Variants in DSCAM observed in about 807,000 individuals in gnomAD.
DSCAM encodes the protein cell adhesion molecule DSCAM.
In DSCAM, 47 loss-of-function variants were observed where a neutral mutation model predicts 217.7. The ratio of observed to expected loss-of-function variants is 0.22; its 90% confidence interval spans 0.17 to 0.28. The LOEUF is 0.28. Among genes scored for constraint, DSCAM ranks in the 10% least tolerant of loss-of-function variants. The pLI, the probability that DSCAM is intolerant of heterozygous loss-of-function variation, is 1.00. For missense variants in DSCAM, 2,080 were observed against 2,618.3 expected, an observed-to-expected ratio of 0.79 and a Z score of 4.49; for synonymous variants, 1,056 against 1,015.3, an observed-to-expected ratio of 1.04 and a Z score of -0.76.
At chr21:40,364,690 GTATA>G (rs71186930) in intron 4 of DSCAM, among the ~76,000 whole-genome samples, 48 of 144,006 alleles carry the variant, frequency 3.3e-4, no homozygotes, top group African/African-American at 4.7e-4. Flanking sequence ...AAAAAAAAGT[GTATA>G]TATATATATA....
chr21:40,676,254 T>TA (rs113253105), intron 3 of DSCAM, among the ~76,000 whole-genome samples: 2,721 of 152,188 alleles, frequency 0.018, 72 homozygotes, highest in African/African-American at 0.062. Context: ...TCAAAGCCAG[T>TA]AAAAAAAGCA....
chr21:40,818,140 T>C (rs928902582), intron 1 of DSCAM, among the ~76,000 whole-genome samples: 13 of 131,002 alleles, frequency 9.9e-5, no homozygotes, highest in African/African-American at 3.5e-4. Flanking sequence ...AAGCTCCCGG[T>C]GATGAAAGCT....
At chr21:40,557,818 T>C (rs1417858677) in intron 3 of DSCAM, among the ~76,000 whole-genome samples, 4 of 152,312 alleles carry the variant, frequency 2.6e-5, no homozygotes, top group South Asian at 2.1e-4. Flanking sequence ...TATTATGTTA[T>C]AGCAACACAA....
intron 3 of DSCAM, among the ~76,000 whole-genome samples, chr21:40,611,076 T>G (rs938374214): frequency 1.9e-4 from 28 of 149,480 alleles, no homozygotes; most frequent in African/African-American, 6.2e-4. Flanking sequence ...TTTTTTTTTT[T>G]GGGATGGAGA....
chr21:40,382,282 G>A (rs567031243), intron 3 of DSCAM, among the ~76,000 whole-genome samples: 37 of 152,074 alleles, frequency 2.4e-4, no homozygotes, highest in Non-Finnish European at 3.5e-4. Flanking sequence ...CCTAGCAGCC[G>A]CCTTGGTCCT....
At chr21:40,842,269 T>C (rs1053249216) in intron 1 of DSCAM, among the ~76,000 whole-genome samples, 5 of 152,212 alleles carry the variant, frequency 3.3e-5, no homozygotes, top group Non-Finnish European at 4.4e-5. Flanking sequence ...ACGCGCTTGT[T>C]TGTGTGGGCA....
intron 3 of DSCAM, among the ~76,000 whole-genome samples, chr21:40,498,625 A>G (rs1383505805): frequency 2.2e-5 from 2 of 92,948 alleles, no homozygotes; most frequent in South Asian, 7.7e-4. Context: ...GTATATATGC[A>G]CTATGTATAT....
intron 14 of DSCAM, 128 bp downstream of exon 14, chr21:40,187,003 G>C: frequency 8.7e-7 from 1 of 1,151,486 alleles, no homozygotes; most frequent in Non-Finnish European, 1.2e-6. Context: ...CAAGGAGACT[G>C]GGGGAAGTGG....
intron 1 of DSCAM, among the ~76,000 whole-genome samples, chr21:40,709,037 T>A (rs1184989080): frequency 1.3e-5 from 2 of 152,234 alleles, no homozygotes; most frequent in African/African-American, 4.8e-5. Context: ...TTTTGCCTCA[T>A]GCCCCAAACC....
rs149505907 is a variant in DSCAM at position 40,398,877 on chromosome 21, C to T, written c.509-29632G>A. Among the ~76,000 whole-genome samples, 695 of 152,154 alleles carry T rather than the reference C, an allele frequency of 4.6e-3. 12 individuals are homozygous for T. The highest frequency in any genetic ancestry group is 0.016 in the African/African-American group (662 of 41,488). On this transcript the variant is annotated intron_variant, in intron 3 of 32. Transcript: ENST00000400454. Reference sequence around the variant, plus strand: ...TGCTGGGATTACAGGTGTCAGCCACCGCACCCAGCCTAGGAGTTTCTTTCT... The same window carrying T: ...TGCTGGGATTACAGGTGTCAGCCACTGCACCCAGCCTAGGAGTTTCTTTCT...
intron 3 of DSCAM, among the ~76,000 whole-genome samples, chr21:40,531,684 G>T (rs1235428868): frequency 6.6e-6 from 1 of 152,230 alleles, no homozygotes; most frequent in Non-Finnish European, 1.5e-5. Flanking sequence ...ATTCCTGAGT[G>T]GTTGCATCAC....
At chr21:40,471,106 C>G (rs566989301) in intron 3 of DSCAM, among the ~76,000 whole-genome samples, 1 of 152,234 alleles carries the variant, frequency 6.6e-6, no homozygotes, top group Non-Finnish European at 1.5e-5. Context: ...GGTAAAGATT[C>G]AGAAACGGTA....
chr21:40,365,895 T>C (rs1011548251), intron 4 of DSCAM, among the ~76,000 whole-genome samples: 10 of 152,154 alleles, frequency 6.6e-5, no homozygotes, highest in Admixed American at 2.0e-4. Context: ...AGCACAGAAA[T>C]CAAGACCATT....
chr21:40,305,757 T>A (rs575845074), intron 9 of DSCAM, among the ~76,000 whole-genome samples: 1 of 152,182 alleles, frequency 6.6e-6, no homozygotes, highest in East Asian at 1.9e-4. Flanking sequence ...GTTGTAGATA[T>A]GTGGCGTTAT....
chr21:40,802,674 C>G (rs1473942861), intron 1 of DSCAM, among the ~76,000 whole-genome samples: 2 of 152,136 alleles, frequency 1.3e-5, no homozygotes. Context: ...GGCTTCGTAA[C>G]AGGAGAAAGA....
intron 5 of DSCAM, among the ~76,000 whole-genome samples, chr21:40,349,959 T>C (rs988842828): frequency 6.6e-6 from 1 of 152,152 alleles, no homozygotes; most frequent in African/African-American, 2.4e-5. Context: ...AGAAGACATA[T>C]AAATATATCT....
chr21:40,466,203 G>A (rs1230687591), intron 3 of DSCAM, among the ~76,000 whole-genome samples: 3 of 152,168 alleles, frequency 2.0e-5, no homozygotes, highest in Non-Finnish European at 4.4e-5. Context: ...AAGTAAGGCG[G>A]CATGCAGCTG....
intron 3 of DSCAM, among the ~76,000 whole-genome samples, chr21:40,425,551 A>C (rs868634904): frequency 6.6e-5 from 10 of 151,592 alleles, no homozygotes; most frequent in South Asian, 2.1e-4. Context: ...AAAAAAAAAA[A>C]CATACAAAAA....
chr21:40,471,275 A>G (rs375532544), intron 3 of DSCAM, among the ~76,000 whole-genome samples: 2 of 152,310 alleles, frequency 1.3e-5, no homozygotes, highest in East Asian at 3.9e-4. Flanking sequence ...TGTCAACTCT[A>G]AGAAACCACA....
Sources: gnomAD v4.1 joint callset for allele counts (sites outside exome capture counted in the v4.1 genomes callset) on GRCh38, gnomAD v4.1.1 for gene constraint, MANE v1.5 for transcripts, NCBI Gene and HGNC (gene_info 2026-07-23, HGNC 2026-07-21) for gene names.